Variants in ERP44 observed in about 807,000 individuals in gnomAD.
The protein encoded by ERP44 is endoplasmic reticulum protein 44.
A neutral mutation model predicts 53.4 loss-of-function variants in ERP44; 25 were observed. The observed-to-expected ratio is 0.47, with a 90% CI of 0.34 to 0.65. ERP44 has a LOEUF of 0.65. Ranked by LOEUF, ERP44 falls within the 30% of genes least tolerant of loss-of-function variation. The pLI is 0.01. For synonymous variants in ERP44, 145 were observed against 161.2 expected, an observed-to-expected ratio of 0.90 and a Z score of 0.76; for missense variants, 338 against 493.2, an observed-to-expected ratio of 0.69 and a Z score of 2.98.
chr9:100,016,297 A>G, intron 8 of ERP44, 25 bp downstream of exon 8: 3 of 1,585,316 alleles, frequency 1.9e-6, no homozygotes, highest in Non-Finnish European at 2.6e-6. Flanking sequence ...ATTTAAAGTA[A>G]CAATGCACAG....
At chr9:100,067,291 C>G (rs1480680865) in intron 1 of ERP44, among the ~76,000 whole-genome samples, 1 of 152,218 alleles carries the variant, frequency 6.6e-6, no homozygotes, top group Non-Finnish European at 1.5e-5. Flanking sequence ...AACCTCCCTG[C>G]CTGATTCTCC....
At chr9:100,092,008 G>A (rs1220795258) in intron 1 of ERP44, among the ~76,000 whole-genome samples, 1 of 152,052 alleles carries the variant, frequency 6.6e-6, no homozygotes, top group Admixed American at 6.5e-5. Context: ...CTAATTTCTT[G>A]AAGGCATGAT....
At chr9:100,062,362 ATCAATGTCTTAATAACAGATCCTGGCT>A (rs1449946215) in intron 1 of ERP44, among the ~76,000 whole-genome samples, 5 of 152,204 alleles carry the variant, frequency 3.3e-5, no homozygotes, top group African/African-American at 1.2e-4. Context: ...ACTCTACATT[ATCAATGTCTTAATAACAGATCCTGGCT>A]TCATAAGTAT....
chr9:100,000,088 G>T (rs1197131818), intron 10 of ERP44, among the ~76,000 whole-genome samples: 1 of 152,078 alleles, frequency 6.6e-6, no homozygotes, highest in Non-Finnish European at 1.5e-5. Flanking sequence ...ATATTACCCT[G>T]TAATTTTCTT....
intron 8 of ERP44, among the ~76,000 whole-genome samples, chr9:100,014,687 G>A (rs112534196): frequency 1.5e-3 from 225 of 152,236 alleles, no homozygotes; most frequent in Non-Finnish European, 2.1e-3. Context: ...ACACAGCCAC[G>A]CTCATTTGTT....
chr9:99,984,196 TTTATAAA>T (rs1420201121), intron 11 of ERP44, among the ~76,000 whole-genome samples: 2 of 152,210 alleles, frequency 1.3e-5, no homozygotes, highest in Non-Finnish European at 2.9e-5. Flanking sequence ...TTATTTTCCT[TTTATAAA>T]TAGAGGTTTT....
Position 100,006,646 on chromosome 9 carries a change from A to C in ERP44, c.876T>G (p.Gly292=). The C allele has an allele frequency of 6.4e-7, 1 of 1,565,698 alleles. No individual in the cohort carries two copies. Among genetic ancestry groups the C allele is most frequent in the Non-Finnish European group, 8.6e-7 (1 of 1,161,358 alleles). ...EVARQLISEK[G]TINFLHADCD... is the part of the protein sequence containing the mutation. ...AATCGGCATGTAAAAAGTTTATTGT[A>C]CCTTTAAGAAAAAAGAATTTTGAGA... The change falls in exon 10 of 12, where the codon GGT becomes GGG. Residue 292 remains glycine (G), a splice_region_variant and synonymous_variant. Transcript: ENST00000262455.
intron 5 of ERP44, 28 bp from the exon 6 acceptor site, chr9:100,020,759 G>A (rs1449855301): frequency 8.7e-7 from 1 of 1,147,020 alleles, no homozygotes; most frequent in African/African-American, 1.5e-5. Flanking sequence ...CAATTATTTT[G>A]CAAACATACA....
At chr9:99,998,577 T>C (rs1206210812) in intron 10 of ERP44, 3 of 735,634 alleles carry the variant, frequency 4.1e-6, no homozygotes, top group South Asian at 2.9e-5. Context: ...TGGTGAGCTC[T>C]GTGCCTCCTG....
intron 10 of ERP44, among the ~76,000 whole-genome samples, chr9:99,997,199 T>G (rs1020761880): frequency 2.6e-5 from 4 of 152,160 alleles, no homozygotes; most frequent in African/African-American, 9.7e-5. Flanking sequence ...TAGTTCTACT[T>G]TCAGTTCTTA....
intron 1 of ERP44, among the ~76,000 whole-genome samples, chr9:100,089,889 G>A (rs113228197): frequency 3.3e-4 from 50 of 152,294 alleles, no homozygotes; most frequent in African/African-American, 1.1e-3. Flanking sequence ...CAGACACTGA[G>A]CATCTTGGAA....
chr9:100,093,668 GTGTGTC>G (rs1826590177), intron 1 of ERP44, among the ~76,000 whole-genome samples: 1 of 151,958 alleles, frequency 6.6e-6, no homozygotes, highest in Non-Finnish European at 1.5e-5. Flanking sequence ...AAAGAACTGT[GTGTGTC>G]TGTGTCTATA....
intron 7 of ERP44, among the ~76,000 whole-genome samples, chr9:100,017,798 C>T (rs1019765335): frequency 2.6e-5 from 4 of 152,194 alleles, no homozygotes; most frequent in African/African-American, 9.7e-5. Flanking sequence ...CTTAAAACTT[C>T]TTACCCCACA....
In ERP44 at chr9:99,999,503, TC is replaced by T. The variant is rs1392105872; in HGVS notation, c.1016+7002del. Reference sequence around the variant, plus strand: ...GTGTCTTATTTTGAGAAATGTTTATTCAGATGCCTTACCCATTTTCAATCAG... The same window carrying T: ...GTGTCTTATTTTGAGAAATGTTTATTAGATGCCTTACCCATTTTCAATCAG... On this transcript the variant is annotated intron_variant, in intron 10 of 11. Transcript: ENST00000262455. Among the ~76,000 whole-genome samples, 4 of 152,220 alleles carry T rather than the reference TC, an allele frequency of 2.6e-5. No homozygotes were observed. The East Asian group carries it at 7.7e-4, about 29-fold the overall frequency.
chr9:100,084,714 T>G (rs1455475834), intron 1 of ERP44, among the ~76,000 whole-genome samples: 1 of 152,214 alleles, frequency 6.6e-6, no homozygotes. Flanking sequence ...TAACTAATAC[T>G]TCAAAGTAAT....
chr9:100,049,902 G>A (rs141548413), intron 4 of ERP44, among the ~76,000 whole-genome samples: 5 of 152,026 alleles, frequency 3.3e-5, no homozygotes, highest in African/African-American at 7.2e-5. Context: ...CCAGCAAGTC[G>A]AAACAACCCA....
rs565988080 is a variant in ERP44 at position 100,087,305 on chromosome 9, T to G, written c.57+11479A>C. Reference sequence around the variant, plus strand: ...AACAGTCACATTTTTAAGCTGTTTTTGTTGGCATAATGACAATGTAATTAT... The same window carrying G: ...AACAGTCACATTTTTAAGCTGTTTTGGTTGGCATAATGACAATGTAATTAT... On this transcript the variant is annotated intron_variant, in intron 1 of 11. Coordinates refer to ENST00000262455, the MANE Select transcript of ERP44 (RefSeq NM_015051.3). Among the ~76,000 whole-genome samples the G allele has an allele frequency of 7.2e-5, 11 of 152,302 alleles. No individual in the cohort carries two copies. In the South Asian group the frequency reaches 2.3e-3, roughly 32 times the overall value.
At chr9:100,019,325 C>T (rs1830559120) in intron 6 of ERP44, among the ~76,000 whole-genome samples, 2 of 152,102 alleles carry the variant, frequency 1.3e-5, no homozygotes, top group Non-Finnish European at 2.9e-5. Context: ...GGGAGGATCA[C>T]TTGAGGCCAG....
At chr9:99,997,538 A>G (rs904599999) in intron 10 of ERP44, among the ~76,000 whole-genome samples, 5 of 152,230 alleles carry the variant, frequency 3.3e-5, no homozygotes, top group African/African-American at 1.2e-4. Flanking sequence ...AGTTATTTAC[A>G]AATAAAGTGT....
Sources: allele counts gnomAD v4.1 joint callset (sites outside exome capture counted in the v4.1 genomes callset), GRCh38; gene constraint gnomAD v4.1.1; transcripts MANE v1.5; gene names NCBI Gene and HGNC (gene_info 2026-07-23, HGNC 2026-07-21).